The following GNAL variants were observed in gnomAD, a reference collection of about 807,000 sequenced individuals.
GNAL encodes the protein guanine nucleotide-binding protein G(olf) subunit alpha.
Under a neutral mutation model 55.1 loss-of-function variants are expected in GNAL, and 18 were observed. That is an observed-to-expected ratio of 0.33 (90% CI 0.23 to 0.48). The LOEUF (loss-of-function observed/expected upper bound fraction) is 0.48, where lower values mean the gene tolerates loss of function less well. Ranked by LOEUF, GNAL falls within the 20% of genes least tolerant of loss-of-function variation. GNAL has a pLI of 0.99. For missense variants in GNAL, 412 were observed against 614.1 expected (o/e 0.67, Z 3.48); for synonymous variants, 253 against 237.0 (o/e 1.07, Z -0.62).
chr18:11,773,202 T>G (rs1421911778), intron 4 of GNAL, among the ~76,000 whole-genome samples: 1 of 152,244 alleles, frequency 6.6e-6, no homozygotes, highest in African/African-American at 2.4e-5. Context: ...CTTGCACGTC[T>G]CATGTCCACT....
intron 1 of GNAL, 141 bp downstream of exon 1, chr18:11,690,080 G>T: frequency 2.4e-6 from 1 of 408,638 alleles, no homozygotes; most frequent in Non-Finnish European, 3.9e-6. Context: ...GGACCCGGAC[G>T]GGCGGCGGGC....
intron 1 of GNAL, among the ~76,000 whole-genome samples, chr18:11,691,347 A>G (rs1398722316): frequency 6.6e-6 from 1 of 151,600 alleles, no homozygotes; most frequent in Non-Finnish European, 1.5e-5. Context: ...TTCATTGTAC[A>G]TTCTGGATAT....
chr18:11,712,526 A>G (rs886390906), intron 1 of GNAL, among the ~76,000 whole-genome samples: 6 of 152,158 alleles, frequency 3.9e-5, no homozygotes, highest in African/African-American at 1.4e-4. Context: ...GGGACTTTCT[A>G]TTTTGCCATC....
Position 11,702,537 on chromosome 18 carries a change from C to T in GNAL, c.376+12598C>T, listed in dbSNP as rs191809982. Among the ~76,000 whole-genome samples the T allele has an allele frequency of 1.4e-3, 220 of 152,322 alleles. 1 individual carries two copies. Among genetic ancestry groups the T allele is most frequent in the African/African-American group, 5.1e-3 (214 of 41,580 alleles). On this transcript the variant is annotated intron_variant, in intron 1 of 11. Coordinates refer to ENST00000334049, the MANE Select transcript of GNAL (RefSeq NM_182978.4). ...GACGTCAGTGCTGTGTTACAGGCTA[C>T]TATTTGTTTATTCAGTAGCAATTAC...
Position 11,813,787 on chromosome 18 carries a change from A to G in GNAL, c.625-11131A>G, listed in dbSNP as rs577427174. ...CAGCTACTCAGGAGGCTGACATGGG[A>G]GGGTGGCTTGAGCCCAGGAGGTCGA... On this transcript the variant is annotated intron_variant, in intron 4 of 11. Transcript: ENST00000334049. 2.6e-4 allele frequency among the ~76,000 whole-genome samples: 40 copies of G among 152,224 alleles called. No individual in the cohort carries two copies. In the South Asian group the frequency reaches 8.1e-3, roughly 31 times the overall value.
In GNAL at chr18:11,799,100, G is replaced by A. The variant is rs141989492; in HGVS notation, c.625-25818G>A. 6.2e-4 allele frequency among the ~76,000 whole-genome samples: 93 copies of A among 150,740 alleles called. 2 individuals are homozygous for A. The East Asian group carries it at 0.014, about 23-fold the overall frequency. ...TGCACTCCAGCCTGGGCAACAGAGC[G>A]AGAGTCTGTCTCAAAAAAAAAAAAA... is the stretch of plus-strand genomic sequence containing the variant. On this transcript the variant is annotated intron_variant, in intron 4 of 11. Coordinates refer to ENST00000334049, the MANE Select transcript of GNAL (RefSeq NM_182978.4).
chr18:11,830,418 A>G (rs1365437463), intron 5 of GNAL, among the ~76,000 whole-genome samples: 3 of 150,004 alleles, frequency 2.0e-5, no homozygotes, highest in African/African-American at 7.4e-5. Context: ...TCAGAATTGC[A>G]TCTTGAACCC....
intron 1 of GNAL, among the ~76,000 whole-genome samples, chr18:11,731,478 G>T (rs1372423864): frequency 6.6e-6 from 1 of 152,188 alleles, no homozygotes; most frequent in Non-Finnish European, 1.5e-5. Context: ...TTTTTCTGAG[G>T]TTACCCTTGG....
chr18:11,808,025 C>T (rs1598477802), intron 4 of GNAL, among the ~76,000 whole-genome samples: 3 of 144,336 alleles, frequency 2.1e-5, no homozygotes, highest in South Asian at 2.2e-4. Flanking sequence ...GCCCAGCCTT[C>T]TTTTTTTTTT....
chr18:11,858,415 C>A (rs1300914368), intron 5 of GNAL, among the ~76,000 whole-genome samples: 5 of 152,288 alleles, frequency 3.3e-5, no homozygotes, highest in East Asian at 1.9e-4. Flanking sequence ...CTGCTTAATT[C>A]TTCTGGTCAG....
intron 4 of GNAL, among the ~76,000 whole-genome samples, chr18:11,758,620 A>G (rs1269486820): frequency 6.6e-6 from 1 of 152,264 alleles, no homozygotes; most frequent in Admixed American, 6.5e-5. Context: ...TTTACAACAC[A>G]TAAATCACCA....
At chr18:11,699,094 G>A (rs1247836913) in intron 1 of GNAL, among the ~76,000 whole-genome samples, 1 of 152,158 alleles carries the variant, frequency 6.6e-6, no homozygotes, top group Non-Finnish European at 1.5e-5. Flanking sequence ...AAACCTCACT[G>A]CATAAATCCG....
Position 11,885,296 on chromosome 18 carries a change from G to A in GNAL, c.*4161G>A, listed in dbSNP as rs780102317. ...TTTATCAACCTGCAAAAGCTGCAGCGTTCTCTGCCAGGTCAAATGGGCATG... is the reference window on the plus strand; with the variant it reads ...TTTATCAACCTGCAAAAGCTGCAGCATTCTCTGCCAGGTCAAATGGGCATG... On this transcript the variant is annotated 3_prime_UTR_variant, in exon 12 of 12. Coordinates refer to ENST00000334049, the MANE Select transcript of GNAL (RefSeq NM_182978.4). The A allele has an allele frequency of 1.8e-5, 5 of 280,722 alleles. No individual in the cohort carries two copies. Among genetic ancestry groups the A allele is most frequent in the Non-Finnish European group, 3.5e-5 (5 of 144,738 alleles). 17.4% of individuals were successfully genotyped at this position (280,722 alleles called of 1,614,324 possible).
chr18:11,754,017 A>T, intron 4 of GNAL, 72 bp downstream of exon 4: 5 of 1,111,128 alleles, frequency 4.5e-6, no homozygotes, highest in Non-Finnish European at 6.8e-6. Context: ...TCTTATTGAG[A>T]ATCAATATTG....
At chr18:11,865,443 C>T (rs1292013406) in intron 7 of GNAL, among the ~76,000 whole-genome samples, 1 of 149,134 alleles carries the variant, frequency 6.7e-6, no homozygotes, top group African/African-American at 2.6e-5. Flanking sequence ...AAGCAAACCC[C>T]ACAAATCTAT....
intron 4 of GNAL, among the ~76,000 whole-genome samples, chr18:11,796,474 G>A (rs2034383228): frequency 6.6e-6 from 1 of 151,150 alleles, no homozygotes; most frequent in Non-Finnish European, 1.5e-5. Flanking sequence ...CAGCTACTGG[G>A]GAGGCAGGAG....
chr18:11,761,183 T>G (rs1445050225), intron 4 of GNAL, among the ~76,000 whole-genome samples: 1 of 152,118 alleles, frequency 6.6e-6, no homozygotes. Context: ...GTCGCACCCC[T>G]TAGCTGTCAC....
intron 4 of GNAL, among the ~76,000 whole-genome samples, chr18:11,797,400 C>A (rs2034418853): frequency 2.0e-5 from 3 of 152,028 alleles, no homozygotes; most frequent in African/African-American, 7.2e-5. Context: ...TTCCATAACT[C>A]TTTTTGCACA....
At chr18:11,717,199 G>T (rs756225918) in intron 1 of GNAL, among the ~76,000 whole-genome samples, 1 of 152,226 alleles carries the variant, frequency 6.6e-6, no homozygotes, top group Non-Finnish European at 1.5e-5. Context: ...CCAGCCGGCC[G>T]CTCCCAGTGC....
Sources: gnomAD v4.1 joint callset for allele counts (sites outside exome capture counted in the v4.1 genomes callset) on GRCh38, gnomAD v4.1.1 for gene constraint, MANE v1.5 for transcripts, NCBI Gene and HGNC (gene_info 2026-07-23, HGNC 2026-07-21) for gene names.